SHISA6: variants seen among roughly 807,000 people sequenced by gnomAD.
The protein encoded by SHISA6 is protein shisa-6.
In SHISA6, 22 loss-of-function variants were observed where a neutral mutation model predicts 47.9. The observed-to-expected ratio is 0.46, with a 90% CI of 0.33 to 0.66. SHISA6 has a LOEUF of 0.66. Among genes scored for constraint, SHISA6 ranks in the 30% least tolerant of loss-of-function variants. The pLI, the probability that SHISA6 is intolerant of heterozygous loss-of-function variation, is 0.02. For synonymous variants in SHISA6, 388 were observed against 337.8 expected (o/e 1.15, Z -1.63); for missense variants, 680 against 764.6 (o/e 0.89, Z 1.30).
intron 3 of SHISA6, among the ~76,000 whole-genome samples, chr17:11,393,922 G>T (rs1913476707): frequency 6.6e-6 from 1 of 152,080 alleles, no homozygotes. Context: ...CTTCCACTTT[G>T]GTACTTATTG....
chr17:11,558,177 G>T lies in SHISA6; in HGVS notation c.1529G>T (p.Gly510Val). The T allele has an allele frequency of 6.5e-7, 1 of 1,546,944 alleles. No homozygotes were observed. ...SASNNSYATL[G>V]QSQTAAKRHA... ...TCCAATAACTCATACGCCACCCTGG[G>T]CCAGAGCCAGACGGCAGCCAAGCGT... is the stretch of plus-strand genomic sequence containing the variant. Residue 510 changes from glycine to valine, a missense_variant, in exon 6 of 6, where the codon GGC (glycine) becomes GTC (valine). Transcript: ENST00000441885.
chr17:11,526,722 C>G (rs1450874954), intron 3 of SHISA6, among the ~76,000 whole-genome samples: 1 of 151,916 alleles, frequency 6.6e-6, no homozygotes, highest in Admixed American at 6.6e-5. Context: ...TTTGCTGAAG[C>G]ATTTTGCTTC....
chr17:11,381,653 G>A (rs986093142), intron 3 of SHISA6, among the ~76,000 whole-genome samples: 20 of 152,160 alleles, frequency 1.3e-4, no homozygotes, highest in African/African-American at 4.1e-4. Flanking sequence ...AATAGTGGAC[G>A]TTAAACTGCT....
chr17:11,418,606 G>A (rs555577476), intron 3 of SHISA6, among the ~76,000 whole-genome samples: 4 of 152,192 alleles, frequency 2.6e-5, no homozygotes, highest in African/African-American at 7.2e-5. Context: ...TTTGCAAACT[G>A]TAAAGTGCTA....
chr17:11,455,054 A>G, intron 3 of SHISA6, among the ~76,000 whole-genome samples: 1 of 152,156 alleles, frequency 6.6e-6, no homozygotes, highest in East Asian at 1.9e-4. Flanking sequence ...CTGTAGTCCA[A>G]GCCACTCCAG....
chr17:11,517,497 A>C (rs532341855), intron 3 of SHISA6, among the ~76,000 whole-genome samples: 2 of 152,236 alleles, frequency 1.3e-5, no homozygotes, highest in East Asian at 3.9e-4. Flanking sequence ...GCATAATGAA[A>C]TTAGGGCCCA....
At chr17:11,263,053 A>G (rs1361339405) in intron 1 of SHISA6, among the ~76,000 whole-genome samples, 1 of 152,178 alleles carries the variant, frequency 6.6e-6, no homozygotes, top group Non-Finnish European at 1.5e-5. Context: ...GCTGCTATAG[A>G]TACCTGCCTG....
At chr17:11,243,201 C>T (rs1392355614) in intron 1 of SHISA6, among the ~76,000 whole-genome samples, 1 of 151,610 alleles carries the variant, frequency 6.6e-6, no homozygotes, top group African/African-American at 2.4e-5. Context: ...TTCTTACCAC[C>T]TGAAAACCGC....
intron 3 of SHISA6, among the ~76,000 whole-genome samples, chr17:11,519,445 G>A (rs940103079): frequency 5.3e-5 from 8 of 152,160 alleles, no homozygotes; most frequent in African/African-American, 1.4e-4. Flanking sequence ...AAGCAACTTC[G>A]TGGAGAGAGA....
chr17:11,376,477 A>G (rs1472076535), intron 2 of SHISA6, among the ~76,000 whole-genome samples: 2 of 152,014 alleles, frequency 1.3e-5, no homozygotes, highest in Non-Finnish European at 2.9e-5. Context: ...GGCCTGTGCC[A>G]CCACACTTGG....
chr17:11,351,026 C>T (rs1003487941), intron 2 of SHISA6, among the ~76,000 whole-genome samples: 1 of 152,030 alleles, frequency 6.6e-6, no homozygotes, highest in African/African-American at 2.4e-5. Context: ...TCATTCTCAG[C>T]AAGCTAACAC....
intron 3 of SHISA6, among the ~76,000 whole-genome samples, chr17:11,481,134 C>T (rs1916202354): frequency 6.6e-6 from 1 of 151,876 alleles, no homozygotes; most frequent in Admixed American, 6.6e-5. Context: ...TGAAAATCAG[C>T]CAGGTGTGGT....
At chr17:11,494,547 C>T (rs1162200093) in intron 3 of SHISA6, among the ~76,000 whole-genome samples, 4 of 152,184 alleles carry the variant, frequency 2.6e-5, no homozygotes, top group Non-Finnish European at 5.9e-5. Context: ...GTCTAGGGAC[C>T]TCTTGCATTA....
At chr17:11,359,184 G>C (rs1038580106) in intron 2 of SHISA6, among the ~76,000 whole-genome samples, 3 of 151,918 alleles carry the variant, frequency 2.0e-5, no homozygotes, top group African/African-American at 7.3e-5. Flanking sequence ...TTTGTTGCTT[G>C]CTTCCTTGCT....
chr17:11,531,106 C>G (rs2071728107), intron 3 of SHISA6, among the ~76,000 whole-genome samples: 1 of 151,998 alleles, frequency 6.6e-6, no homozygotes, highest in African/African-American at 2.4e-5. Context: ...AGAAACAGCT[C>G]AGATACCGTT....
chr17:11,419,069 TG>T (rs1198551958), intron 3 of SHISA6, among the ~76,000 whole-genome samples: 3 of 143,496 alleles, frequency 2.1e-5, no homozygotes, highest in Admixed American at 7.0e-5. Context: ...TGTTGTGGGG[TG>T]GGGGGAGCGG....
chr17:11,474,520 T>G (rs1396664239), intron 3 of SHISA6, among the ~76,000 whole-genome samples: 1 of 152,090 alleles, frequency 6.6e-6, no homozygotes, highest in Non-Finnish European at 1.5e-5. Flanking sequence ...TTTGTGTGTG[T>G]GGATTTCCAG....
intron 2 of SHISA6, among the ~76,000 whole-genome samples, chr17:11,296,834 C>T (rs1490728956): frequency 6.6e-6 from 1 of 152,020 alleles, no homozygotes; most frequent in African/African-American, 2.4e-5. Context: ...GAAGGAAATC[C>T]AGGAGGTTGT....
chr17:11,421,683 A>G (rs547259246), intron 3 of SHISA6, among the ~76,000 whole-genome samples: 6 of 152,358 alleles, frequency 3.9e-5, no homozygotes, highest in African/African-American at 1.4e-4. Context: ...GTCTTCCCTC[A>G]GTTGCTGCCT....
Sources: gnomAD v4.1 joint callset for allele counts (sites outside exome capture counted in the v4.1 genomes callset) on GRCh38, gnomAD v4.1.1 for gene constraint, MANE v1.5 for transcripts, NCBI Gene and HGNC (gene_info 2026-07-23, HGNC 2026-07-21) for gene names.